RIOX2: variants seen among roughly 807,000 people sequenced by gnomAD.
RIOX2 encodes ribosomal oxygenase 2, also known as 60S ribosomal protein L27a histidine hydroxylase.
In RIOX2, 43 loss-of-function variants were observed where a neutral mutation model predicts 51.2. The ratio of observed to expected loss-of-function variants is 0.84; its 90% CI spans 0.66 to 1.08. RIOX2 has a LOEUF of 1.08. RIOX2 is among the 50% of genes least tolerant of loss of function. The pLI is 0.00. For missense variants in RIOX2, 566 were observed against 561.7 expected, an observed-to-expected ratio of 1.01 and a Z score of -0.08; for synonymous variants, 226 against 218.5, an observed-to-expected ratio of 1.03 and a Z score of -0.30.
At position 97,945,020 on chromosome 3, in the gene RIOX2, C is replaced by A; in HGVS notation, c.*164G>T. On this transcript the variant is annotated 3_prime_UTR_variant, in exon 10 of 10. Coordinates refer to ENST00000394198, the MANE Select transcript of RIOX2 (RefSeq NM_153182.4). ...TTTGCTGTTCTTTCTTTCATGTGCC[C>A]GTTAGTACATTTGGCCAACTGACCA... 2 of 514,942 alleles carry A rather than the reference C, an allele frequency of 3.9e-6. No homozygotes were observed. Among genetic ancestry groups the A allele is most frequent in the East Asian group, 3.2e-5 (1 of 31,390 alleles). 31.9% of individuals were successfully genotyped at this position (514,942 alleles called of 1,614,324 possible).
chr3:97,968,894 G>A (rs1706009445), intron 1 of RIOX2, among the ~76,000 whole-genome samples: 1 of 152,146 alleles, frequency 6.6e-6, no homozygotes, highest in Non-Finnish European at 1.5e-5. Context: ...AGAATTGCAA[G>A]AATACTGTTT....
chr3:97,950,146 G>A, intron 6 of RIOX2, 131 bp from the exon 7 acceptor site: 2 of 789,358 alleles, frequency 2.5e-6, no homozygotes, highest in African/African-American at 1.7e-5. Context: ...AAAGGGGAAG[G>A]GACAACCTGA....
intron 8 of RIOX2, among the ~76,000 whole-genome samples, chr3:97,946,804 G>A (rs578034142): frequency 6.6e-6 from 1 of 151,776 alleles, no homozygotes; most frequent in Admixed American, 6.6e-5. Context: ...TGTACAGGGA[G>A]CTCTATCAAA....
At chr3:97,960,204 A>T (rs1244861967) in intron 3 of RIOX2, among the ~76,000 whole-genome samples, 2 of 152,212 alleles carry the variant, frequency 1.3e-5, no homozygotes, top group Non-Finnish European at 2.9e-5. Context: ...AAAAAGTCGT[A>T]ACGTTACAAG....
intron 8 of RIOX2, 30 bp from the exon 9 acceptor site, chr3:97,945,917 A>G: frequency 6.7e-7 from 1 of 1,489,340 alleles, no homozygotes; most frequent in Non-Finnish European, 9.4e-7. Flanking sequence ...GCATTAGGCC[A>G]TCAACAACAC....
At chr3:97,956,867 ATC>A (rs922880558) in intron 4 of RIOX2, among the ~76,000 whole-genome samples, 88 of 152,182 alleles carry the variant, frequency 5.8e-4, no homozygotes, top group Admixed American at 2.0e-4. Context: ...AAATATCATG[ATC>A]TCTGTTTTAA....
At chr3:97,948,287 A>T (rs1377998051) in intron 7 of RIOX2, among the ~76,000 whole-genome samples, 1 of 152,220 alleles carries the variant, frequency 6.6e-6, no homozygotes, top group African/African-American at 2.4e-5. Context: ...TATCTATCTC[A>T]GTGGTTCTCT....
chr3:97,956,122 C>G (rs542942140), intron 4 of RIOX2, among the ~76,000 whole-genome samples: 1 of 152,104 alleles, frequency 6.6e-6, no homozygotes. Flanking sequence ...GTGAGTAATG[C>G]GTAGCACTAC....
chr3:97,958,213 G>C (rs80068546), intron 4 of RIOX2, among the ~76,000 whole-genome samples: 3,186 of 152,202 alleles, frequency 0.021, 63 homozygotes, highest in Non-Finnish European at 0.027. Context: ...TTATAACTTC[G>C]AGACACAAGA....
At chr3:97,949,413 T>C (rs918896702) in intron 7 of RIOX2, among the ~76,000 whole-genome samples, 1 of 152,134 alleles carries the variant, frequency 6.6e-6, no homozygotes, top group African/African-American at 2.4e-5. Context: ...CTGCAGACCA[T>C]GAGCCAAATA....
At chr3:97,960,444 C>T (rs1018204071) in intron 3 of RIOX2, among the ~76,000 whole-genome samples, 1 of 152,020 alleles carries the variant, frequency 6.6e-6, no homozygotes, top group Non-Finnish European at 1.5e-5. Context: ...TAAGTGTTAA[C>T]CAATTTATGC....
At chr3:97,954,800 G>A (rs1393585471) in intron 4 of RIOX2, among the ~76,000 whole-genome samples, 1 of 152,104 alleles carries the variant, frequency 6.6e-6, no homozygotes, top group Admixed American at 6.5e-5. Context: ...AGGGATCAAG[G>A]AAGGTAACAT....
At chr3:97,959,306 G>GTTTT (rs67345115) in intron 3 of RIOX2, 127 bp from the exon 4 acceptor site, 341 of 237,042 alleles carry the variant, frequency 1.4e-3, no homozygotes, top group South Asian at 2.5e-3. Flanking sequence ...AACAACACAG[G>GTTTT]TTTTTTTTTT....
Position 97,943,404 on chromosome 3 carries a change from G to A in RIOX2, c.*1780C>T. On this transcript the variant is annotated 3_prime_UTR_variant, in exon 10 of 10. Coordinates refer to ENST00000394198, the MANE Select transcript of RIOX2 (RefSeq NM_153182.4). ...TTGTGGACGTGGAAAGGAAGCTACT[G>A]TCCTCACACTCCTGGATCACTGAGC... The A allele has an allele frequency of 2.7e-6, 2 of 738,632 alleles. No individual in the cohort carries two copies. Among genetic ancestry groups the A allele is most frequent in the Middle Eastern group, 2.3e-4 (1 of 4,354 alleles). 45.8% of individuals were successfully genotyped at this position (738,632 alleles called of 1,614,324 possible).
At chr3:97,963,119 T>A (rs905024551) in intron 2 of RIOX2, among the ~76,000 whole-genome samples, 3 of 152,240 alleles carry the variant, frequency 2.0e-5, no homozygotes, top group East Asian at 1.9e-4. Flanking sequence ...TGGGTCAATA[T>A]GAAAAAAGAC....
intron 9 of RIOX2, 145 bp from the exon 10 acceptor site, chr3:97,945,487 A>G: frequency 2.8e-6 from 2 of 716,062 alleles, no homozygotes; most frequent in South Asian, 4.1e-5. Flanking sequence ...AGATAACATA[A>G]AAGATGCCAA....
intron 1 of RIOX2, among the ~76,000 whole-genome samples, chr3:97,969,585 T>G (rs1443224723): frequency 6.6e-6 from 1 of 152,240 alleles, no homozygotes; most frequent in Non-Finnish European, 1.5e-5. Context: ...CATTACAGTT[T>G]ATACCAACAC....
intron 4 of RIOX2, among the ~76,000 whole-genome samples, chr3:97,957,819 G>C (rs1705509231): frequency 6.6e-6 from 1 of 152,122 alleles, no homozygotes; most frequent in Non-Finnish European, 1.5e-5. Context: ...CAACAAAGCT[G>C]GCAACCTCTG....
rs956429965 is a variant in RIOX2, at chr3:97,962,366, C to T, written c.433-658G>A. Among the ~76,000 whole-genome samples the T allele has an allele frequency of 2.8e-4, 36 of 126,356 alleles. 2 individuals carry two copies. The highest frequency in any genetic ancestry group is 6.0e-4 in the Non-Finnish European group (34 of 56,488). The allele number at this position is 126,356 out of a possible 152,430, so 82.9% of individuals were successfully genotyped here. A position where few individuals can be genotyped will look rare whatever the true frequency, so the allele number is the denominator to read the frequency against. On this transcript the variant is annotated intron_variant, in intron 2 of 9. Transcript: ENST00000394198. ...GTTTGGAATGCTAAGACCCCCCCCCCCCCCCCCACATGGAGATGTCTTTAA... is the reference window on the plus strand; with the variant it reads ...GTTTGGAATGCTAAGACCCCCCCCCTCCCCCCCACATGGAGATGTCTTTAA...
Sources: allele counts gnomAD v4.1 joint callset (sites outside exome capture counted in the v4.1 genomes callset), GRCh38; gene constraint gnomAD v4.1.1; transcripts MANE v1.5; gene names NCBI Gene and HGNC (gene_info 2026-07-23, HGNC 2026-07-21).